The following AXIN1 variants were observed in gnomAD, a reference collection of about 807,000 sequenced individuals.
The protein encoded by AXIN1 is axin 1.
AXIN1 carries 30 observed loss-of-function variants against 76.4 expected under a neutral mutation model. The observed-to-expected ratio is 0.39, with a 90% CI of 0.29 to 0.53. AXIN1 has a LOEUF of 0.53. Ranked by LOEUF, AXIN1 falls within the 20% of genes least tolerant of loss-of-function variation. AXIN1 has a pLI of 0.66. For synonymous variants in AXIN1, 545 were observed against 501.4 expected (o/e 1.09, Z -1.16); for missense variants, 1,140 against 1,198.8 (o/e 0.95, Z 0.72).
At position 298,270 on chromosome 16, in the gene AXIN1, C is replaced by A. The variant is rs1481568137; in HGVS notation, c.1255-19G>T. 3 of 1,537,682 alleles carry A rather than the reference C, an allele frequency of 2.0e-6. No homozygotes were observed. The highest frequency in any genetic ancestry group is 2.6e-6 in the Non-Finnish European group (3 of 1,146,938). ...CCTCCTCCTGTGTGGGGACAAGCAGCACCATCACCTCTCAGCACCAGCTGC... is the reference window on the plus strand; with the variant it reads ...CCTCCTCCTGTGTGGGGACAAGCAGAACCATCACCTCTCAGCACCAGCTGC... On this transcript the variant is annotated intron_variant, in intron 5 of 10. Coordinates refer to ENST00000262320, the MANE Select transcript of AXIN1 (RefSeq NM_003502.4).
chr16:341,719 G>A (rs914719851), intron 2 of AXIN1, among the ~76,000 whole-genome samples: 137 of 152,358 alleles, frequency 9.0e-4, no homozygotes, highest in Middle Eastern at 3.4e-3. Flanking sequence ...ATTCTGGTGG[G>A]GACGTGGAGA....
intron 2 of AXIN1, among the ~76,000 whole-genome samples, chr16:337,453 A>G (rs2053829236): frequency 1.3e-5 from 2 of 150,928 alleles, no homozygotes; most frequent in South Asian, 4.2e-4. Flanking sequence ...CACCAATCCC[A>G]TAGACTACAG....
In AXIN1 at chr16:287,938, C is replaced by G; in HGVS notation, c.*184G>C. 3.1e-6 allele frequency: 3 copies of G among 972,814 alleles called. No homozygotes were observed. The highest frequency in any genetic ancestry group is 1.6e-5 in the African/African-American group (1 of 62,846). 60.3% of individuals were successfully genotyped at this position (972,814 alleles called of 1,614,324 possible). ...CCAGGCTGCCTCCTTGGGGGCAGGA[C>G]AGAAGCTTGTGGACCACTTGGAGGG... On this transcript the variant is annotated 3_prime_UTR_variant, in exon 11 of 11. Coordinates refer to ENST00000262320, the MANE Select transcript of AXIN1 (RefSeq NM_003502.4).
intron 2 of AXIN1, among the ~76,000 whole-genome samples, chr16:340,036 C>T (rs80087906): frequency 0.026 from 3,974 of 152,084 alleles, 172 homozygotes; most frequent in African/African-American, 0.09. Context: ...TCTTTTTCTT[C>T]TTCTTCTTCT....
intron 10 of AXIN1, 102 bp from the exon 11 acceptor site, chr16:288,350 TC>T: frequency 1.3e-6 from 2 of 1,560,232 alleles, no homozygotes; most frequent in Non-Finnish European, 1.8e-6. Flanking sequence ...CCGAGGAGCC[TC>T]CTGTCCATGC....
intron 1 of AXIN1, among the ~76,000 whole-genome samples, chr16:347,437 G>A (rs2054054907): frequency 6.6e-6 from 1 of 152,190 alleles, no homozygotes; most frequent in South Asian, 2.1e-4. Flanking sequence ...AGAGCTGAGG[G>A]ACAGGGAAGG....
rs368776442 is a variant in AXIN1, at chr16:347,371, C to T, written c.-81-265G>A. On this transcript the variant is annotated intron_variant, in intron 1 of 10. Transcript: ENST00000262320. ...CATGGGAATGCCACTCCCCACAAGT[C>T]TCACTGCACAAACATCACGGAGGCT... Among the ~76,000 whole-genome samples, 27 of 152,344 alleles carry T rather than the reference C, an allele frequency of 1.8e-4. No homozygotes were observed. The East Asian group carries it at 2.7e-3, about 15-fold the overall frequency.
At chr16:322,768 G>C (rs899586064) in intron 2 of AXIN1, among the ~76,000 whole-genome samples, 4 of 152,206 alleles carry the variant, frequency 2.6e-5, no homozygotes, top group Non-Finnish European at 5.9e-5. Flanking sequence ...GGACGGATGA[G>C]TGCATCCTTT....
rs375119406 is a variant in AXIN1 at position 288,076 on chromosome 16, G to A, written c.*46C>T. 24 of 1,612,012 alleles carry A rather than the reference G, an allele frequency of 1.5e-5. No individual in the cohort carries two copies. In the African/African-American group the frequency reaches 2.8e-4, roughly 19 times the overall value. On this transcript the variant is annotated 3_prime_UTR_variant, in exon 11 of 11. Coordinates refer to ENST00000262320, the MANE Select transcript of AXIN1 (RefSeq NM_003502.4). ...TCATCTGCCTGGCCGTGACACCCGT[G>A]CCCGCCAAGGGCCTCGCCTGGCACA... is the stretch of plus-strand genomic sequence containing the variant.
intron 2 of AXIN1, among the ~76,000 whole-genome samples, chr16:342,260 C>T (rs1285388008): frequency 1.3e-5 from 2 of 152,270 alleles, no homozygotes; most frequent in East Asian, 1.9e-4. Context: ...GAAGAAACTC[C>T]GAACACCTCC....
intron 5 of AXIN1, chr16:299,276 TG>T (rs1402162723): frequency 3.1e-6 from 3 of 981,084 alleles, no homozygotes; most frequent in Non-Finnish European, 3.6e-6. Flanking sequence ...CTTATTGGAC[TG>T]ACAAACTAAA....
chr16:293,260 C>T lies in AXIN1; in HGVS notation c.2186+228G>A, dbSNP rs903307244. On this transcript the variant is annotated intron_variant, in intron 8 of 10. Coordinates refer to ENST00000262320, the MANE Select transcript of AXIN1 (RefSeq NM_003502.4). The surrounding 1 kb of genome is among the most constrained non-coding windows in gnomAD (Gnocchi z 4.6). Reference sequence around the variant, plus strand: ...GACCCCGCCTCCAGAGCAATGAGCGCGGCGGCCTCGGGTGTGTGAAAGCTC... The same window carrying T: ...GACCCCGCCTCCAGAGCAATGAGCGTGGCGGCCTCGGGTGTGTGAAAGCTC... 35 of 593,056 alleles carry T rather than the reference C, an allele frequency of 5.9e-5. No individual in the cohort carries two copies. The highest frequency in any genetic ancestry group is 2.8e-4 in the South Asian group (14 of 49,394). 36.7% of individuals were successfully genotyped at this position (593,056 alleles called of 1,614,324 possible). A position where few individuals can be genotyped will look rare whatever the true frequency, so the allele number is the denominator to read the frequency against.
chr16:288,367 G>A (rs553040542), intron 10 of AXIN1, 119 bp from the exon 11 acceptor site: 260 of 1,454,574 alleles, frequency 1.8e-4, no homozygotes, highest in Non-Finnish European at 2.3e-4. Context: ...CATGCCCCAC[G>A]GCCCCCACTG....
chr16:325,878 A>ATTAT (rs1287178237), intron 2 of AXIN1, among the ~76,000 whole-genome samples: 1 of 152,142 alleles, frequency 6.6e-6, no homozygotes, highest in Admixed American at 6.5e-5. Context: ...GAACTTCCAT[A>ATTAT]TGAATGTGAC....
In AXIN1 at chr16:291,320, G is replaced by C. The variant is rs765098127; in HGVS notation, c.2187-23C>G. ...TACCTAGGGAACAACCCGCGTCAAA[G>C]GTGGCTGTGCCGGCGGCCACCAGCC... On this transcript the variant is annotated intron_variant, in intron 8 of 10. Coordinates refer to ENST00000262320, the MANE Select transcript of AXIN1 (RefSeq NM_003502.4). The C allele has an allele frequency of 8.4e-6, 13 of 1,553,032 alleles. No homozygotes were observed. In the East Asian group the frequency reaches 3.1e-4, roughly 37 times the overall value.
intron 2 of AXIN1, among the ~76,000 whole-genome samples, chr16:315,225 T>C (rs1010397942): frequency 3.3e-5 from 5 of 152,234 alleles, no homozygotes; most frequent in African/African-American, 1.2e-4. Flanking sequence ...CTGGGACGAT[T>C]CACCTCCTCT....
intron 8 of AXIN1, 108 bp from the exon 9 acceptor site, chr16:291,405 G>C: frequency 1.1e-6 from 1 of 931,028 alleles, no homozygotes; most frequent in Non-Finnish European, 1.7e-6. Context: ...TGAAGGGCCC[G>C]AACAACCCAC....
intron 7 of AXIN1, among the ~76,000 whole-genome samples, chr16:294,616 A>G (rs2052657823): frequency 6.6e-6 from 1 of 151,374 alleles, no homozygotes; most frequent in South Asian, 2.1e-4. Flanking sequence ...TTAACTGGGC[A>G]TAATAGTGGG....
chr16:310,905 C>G (rs139172765), intron 3 of AXIN1, among the ~76,000 whole-genome samples: 1 of 152,264 alleles, frequency 6.6e-6, no homozygotes, highest in Non-Finnish European at 1.5e-5. Flanking sequence ...AGTGGGCAGC[C>G]AGGACAACCA....
Sources: gnomAD v4.1 joint callset for allele counts (sites outside exome capture counted in the v4.1 genomes callset) on GRCh38, gnomAD v4.1.1 for gene constraint, Gnocchi (gnomAD v3.1) non-coding constraint, MANE v1.5 for transcripts, NCBI Gene and HGNC (gene_info 2026-07-23, HGNC 2026-07-21) for gene names.